DMTN: variants seen among roughly 807,000 people sequenced by gnomAD.
DMTN encodes the protein dematin.
Under a neutral mutation model 59.4 loss-of-function variants are expected in DMTN, and 27 were observed. That is an observed-to-expected ratio of 0.45 (90% CI 0.33 to 0.63). The LOEUF is 0.63. Ranked by LOEUF, DMTN falls within the 20% of genes least tolerant of loss-of-function variation. The pLI is 0.02. For synonymous variants in DMTN, 221 were observed against 203.7 expected, an observed-to-expected ratio of 1.08 and a Z score of -0.72; for missense variants, 451 against 528.9, an observed-to-expected ratio of 0.85 and a Z score of 1.45.
Position 22,080,764 on chromosome 8 carries a change from C to T in DMTN, c.958-41C>T, listed in dbSNP as rs1407058572. 2.5e-6 allele frequency: 4 copies of T among 1,598,622 alleles called. No individual in the cohort carries two copies. The East Asian group carries it at 6.8e-5, about 27-fold the overall frequency. On this transcript the variant is annotated intron_variant, in intron 13 of 15. Coordinates refer to ENST00000358242, the MANE Select transcript of DMTN (RefSeq NM_001387751.1). ...AGCCGGGGTAAGGCTGGGAAGGTCT[C>T]CCTGCCCCGCTCTGGCTCACTGCGG...
At position 22,072,469 on chromosome 8, in the gene DMTN, C is replaced by T. The variant is rs1337962439; in HGVS notation, c.729+19C>T. 2 of 1,539,436 alleles carry T rather than the reference C, an allele frequency of 1.3e-6. No individual in the cohort carries two copies. Among genetic ancestry groups the T allele is most frequent in the Non-Finnish European group, 1.8e-6 (2 of 1,138,468 alleles). On this transcript the variant is annotated intron_variant, in intron 9 of 15. Coordinates refer to ENST00000358242, the MANE Select transcript of DMTN (RefSeq NM_001387751.1). ...CAGTAAGGTAGCATCTCACCACCCCCACCCTCCACCCCTGTGCAGGAGTCT... is the reference window on the plus strand; with the variant it reads ...CAGTAAGGTAGCATCTCACCACCCCTACCCTCCACCCCTGTGCAGGAGTCT...
At position 22,067,114 on chromosome 8, in the gene DMTN, C is replaced by A. The variant is rs902387516; in HGVS notation, c.48C>A (p.Ser16Arg). ...KQPLTSPGSV[S>R]PSRDSSVPGS... Reference sequence around the variant, plus strand: ...CACTTACCTCCCCCGGGAGCGTGAGCCCCTCCCGAGATTCCAGTGTGCCTG... The same window carrying A: ...CACTTACCTCCCCCGGGAGCGTGAGACCCTCCCGAGATTCCAGTGTGCCTG... The change falls in exon 3 of 16, where the codon AGC (serine) becomes AGA (arginine). Residue 16 changes from serine (S) to arginine (R), a missense_variant. Ser to Arg is a moderately radical substitution (Grantham distance 110). Coordinates refer to ENST00000358242, the MANE Select transcript of DMTN (RefSeq NM_001387751.1). 2.5e-6 allele frequency: 4 copies of A among 1,606,796 alleles called. No individual in the cohort carries two copies. The African/African-American group carries it at 5.4e-5, about 22-fold the overall frequency.
At chr8:22,075,275 G>C (rs1026087639) in intron 10 of DMTN, among the ~76,000 whole-genome samples, 5 of 151,112 alleles carry the variant, frequency 3.3e-5, no homozygotes, top group African/African-American at 1.2e-4. Flanking sequence ...TGGCCACCTA[G>C]ACTCAAGGGG....
chr8:22,072,823 C>T (rs902022086), intron 9 of DMTN, among the ~76,000 whole-genome samples: 12 of 152,010 alleles, frequency 7.9e-5, no homozygotes, highest in African/African-American at 2.2e-4. Context: ...TGTAGCTAGT[C>T]GAAGGGGTTC....
At chr8:22,062,933 C>CTCTT (rs60566856) in intron 1 of DMTN, among the ~76,000 whole-genome samples, 9,921 of 152,174 alleles carry the variant, frequency 0.065, 558 homozygotes, top group African/African-American at 0.16. Context: ...GTTTTCCTCT[C>CTCTT]TCTGACTGTG....
intron 10 of DMTN, among the ~76,000 whole-genome samples, chr8:22,079,303 A>ATATATATATATATAT (rs67715172): frequency 3.8e-4 from 20 of 52,208 alleles, no homozygotes; most frequent in South Asian, 8.2e-4. Context: ...TATATATATT[A>ATATATATATATATAT]GCTGGGTTTG....
At chr8:22,068,704 TAAAAG>T (rs999499917) in intron 4 of DMTN, among the ~76,000 whole-genome samples, 30 of 147,978 alleles carry the variant, frequency 2.0e-4, no homozygotes, top group African/African-American at 7.2e-4. Context: ...AGGAAAAAAT[TAAAAG>T]AAAGATGAGA....
chr8:22,070,000 G>A, intron 7 of DMTN, 63 bp downstream of exon 7: 1 of 1,601,888 alleles, frequency 6.2e-7, no homozygotes, highest in Non-Finnish European at 8.6e-7. Context: ...CCGTGCCCTG[G>A]GGCTGCGGGC....
chr8:22,071,579 A>T lies in DMTN; in HGVS notation c.605-747A>T, dbSNP rs189588450. 2.1e-3 allele frequency among the ~76,000 whole-genome samples: 317 copies of T among 150,416 alleles called. 1 individual carries two copies. Among genetic ancestry groups the T allele is most frequent in the Non-Finnish European group, 3.5e-3 (234 of 67,630 alleles). On this transcript the variant is annotated intron_variant, in intron 8 of 15. Coordinates refer to ENST00000358242, the MANE Select transcript of DMTN (RefSeq NM_001387751.1). ...CTGGCTAATTTTTATATTTATATTT[A>T]TATTTATTTATTTATTTGGAGACAG...
chr8:22,080,703 G>T lies in DMTN; in HGVS notation c.957+78G>T, dbSNP rs1018734252. 154 of 1,582,378 alleles carry T rather than the reference G, an allele frequency of 9.7e-5. 1 individual carries two copies. In the Admixed American group the frequency reaches 2.9e-3, roughly 29 times the overall value. ...ACCCGAAAGTGTCAGGGGAAGGGGG[G>T]TGTGGGGCCACAGAGTTGCCTGGTG... On this transcript the variant is annotated intron_variant, in intron 13 of 15. Coordinates refer to ENST00000358242, the MANE Select transcript of DMTN (RefSeq NM_001387751.1).
intron 8 of DMTN, among the ~76,000 whole-genome samples, 176 bp from the exon 9 acceptor site, chr8:22,072,150 A>G (rs1199509230): frequency 6.6e-6 from 1 of 152,140 alleles, no homozygotes; most frequent in Non-Finnish European, 1.5e-5. Flanking sequence ...TCAGCCTCCC[A>G]ATGTGTTGAG....
At position 22,058,864 on chromosome 8, in the gene DMTN, C is replaced by T. The variant is rs1364766730; in HGVS notation, c.-172+1728C>T. Among the ~76,000 whole-genome samples the T allele has an allele frequency of 1.3e-5, 2 of 152,218 alleles. No homozygotes were observed. The highest frequency in any genetic ancestry group is 4.8e-5 in the African/African-American group (2 of 41,462). On this transcript the variant is annotated intron_variant, in intron 1 of 15. Coordinates refer to ENST00000358242, the MANE Select transcript of DMTN (RefSeq NM_001387751.1). The surrounding 1 kb of genome is among the most constrained non-coding windows in gnomAD (Gnocchi z 4.3). The stretch of plus-strand genomic sequence containing the variant: ...GGCTTCGCCTAAGTAAGGGACACCT[C>T]TGATGAGCCACTGGCCCAGAGCAGG...
chr8:22,079,188 T>C (rs61685674), intron 10 of DMTN, among the ~76,000 whole-genome samples: 8,216 of 149,122 alleles, frequency 0.055, 606 homozygotes, highest in African/African-American at 0.16. Flanking sequence ...GGTGGGAGGA[T>C]TGCTTGAGCC....
upstream of DMTN, among the ~76,000 whole-genome samples, chr8:22,052,319 A>G (rs369923430): frequency 6.6e-4 from 100 of 152,342 alleles, no homozygotes; most frequent in African/African-American, 2.2e-3. Context: ...AGTATGTTGC[A>G]CAGGGTAAAT....
Sources: gnomAD v4.1 joint callset for allele counts (sites outside exome capture counted in the v4.1 genomes callset) on GRCh38, gnomAD v4.1.1 for gene constraint, Gnocchi (gnomAD v3.1) non-coding constraint, MANE v1.5 for transcripts, NCBI Gene and HGNC (gene_info 2026-07-23, HGNC 2026-07-21) for gene names.